The following KMT2C variants were observed in gnomAD, a reference collection of about 807,000 sequenced individuals.
The protein encoded by KMT2C is histone-lysine N-methyltransferase 2C.
A neutral mutation model predicts 507.9 loss-of-function variants in KMT2C; 88 were observed. The ratio of observed to expected loss-of-function variants is 0.17; its 90% CI spans 0.15 to 0.21. KMT2C has a LOEUF of 0.21. Among genes scored for constraint, KMT2C ranks in the 10% least tolerant of loss-of-function variants. KMT2C has a pLI of 1.00. For synonymous variants in KMT2C, 2,049 were observed against 2,080.8 expected, an observed-to-expected ratio of 0.98 and a Z score of 0.42; for missense variants, 4,954 against 5,957.8, an observed-to-expected ratio of 0.83 and a Z score of 5.55.
chr7:152,334,539 T>A (rs887246104), intron 2 of KMT2C, among the ~76,000 whole-genome samples: 1 of 152,218 alleles, frequency 6.6e-6, no homozygotes, highest in South Asian at 2.1e-4. Flanking sequence ...GACACATAAC[T>A]GCTCAGCTAG....
intron 1 of KMT2C, among the ~76,000 whole-genome samples, chr7:152,419,059 G>GA (rs1478030638): frequency 1.3e-5 from 2 of 151,618 alleles, no homozygotes; most frequent in East Asian, 1.9e-4. Flanking sequence ...TCATTTAAAA[G>GA]AAAAAAAATA....
rs1272995724 is a variant in KMT2C, at chr7:152,293,214, GA to G, written c.849+16751del. Among the ~76,000 whole-genome samples the G allele has an allele frequency of 2.6e-5, 4 of 152,196 alleles. No homozygotes were observed. In the East Asian group the frequency reaches 7.7e-4, roughly 29 times the overall value. On this transcript the variant is annotated intron_variant, in intron 6 of 58. Transcript: ENST00000262189. ...AATAGGTTATATTTCAAATGTGGAGGAAAAAGATGTTTCAATAAATGGTGTA... is the reference window on the plus strand; with the variant it reads ...AATAGGTTATATTTCAAATGTGGAGGAAAAGATGTTTCAATAAATGGTGTA...
intron 9 of KMT2C, 66 bp downstream of exon 9, chr7:152,262,950 C>T: frequency 7.6e-6 from 9 of 1,176,732 alleles, no homozygotes; most frequent in East Asian, 2.5e-5. Context: ...AATAGGTATC[C>T]GATTTGTCTG....
intron 39 of KMT2C, among the ~76,000 whole-genome samples, chr7:152,173,653 C>G (rs1477037005): frequency 6.6e-6 from 1 of 152,196 alleles, no homozygotes; most frequent in Non-Finnish European, 1.5e-5. Context: ...AAAAGACAAA[C>G]TCTGTAACTC....
chr7:152,208,764 C>T (rs185178476), intron 23 of KMT2C, among the ~76,000 whole-genome samples: 11 of 152,308 alleles, frequency 7.2e-5, no homozygotes, highest in African/African-American at 2.6e-4. Context: ...TCAGTAATGG[C>T]ATGAACAGGG....
At chr7:152,363,209 G>T (rs2097210804) in intron 1 of KMT2C, among the ~76,000 whole-genome samples, 1 of 152,184 alleles carries the variant, frequency 6.6e-6, no homozygotes, top group South Asian at 2.1e-4. Context: ...AATTACAAAT[G>T]ACAACATGAA....
At chr7:152,343,199 C>T (rs1032364489) in intron 2 of KMT2C, among the ~76,000 whole-genome samples, 1 of 152,086 alleles carries the variant, frequency 6.6e-6, no homozygotes, top group Non-Finnish European at 1.5e-5. Flanking sequence ...GAATTGAAAG[C>T]AACTATGATT....
intron 27 of KMT2C, 121 bp downstream of exon 27, chr7:152,199,158 C>A: frequency 1.4e-6 from 1 of 729,234 alleles, no homozygotes; most frequent in Non-Finnish European, 2.2e-6. Context: ...AGTTATACTT[C>A]AATGCTGTTG....
At chr7:152,398,996 T>C (rs2097554765) in intron 1 of KMT2C, among the ~76,000 whole-genome samples, 1 of 150,190 alleles carries the variant, frequency 6.7e-6, no homozygotes, top group African/African-American at 2.4e-5. Flanking sequence ...CCAGCTAATT[T>C]TTGTGGGATT....
intron 25 of KMT2C, 52 bp from the exon 26 acceptor site, chr7:152,203,116 A>G: frequency 6.8e-7 from 1 of 1,479,182 alleles, no homozygotes; most frequent in South Asian, 1.3e-5. Context: ...TTTCTAGACA[A>G]ACCCACTGAA....
chr7:152,151,251 C>T (rs1473182863), intron 50 of KMT2C, among the ~76,000 whole-genome samples, 191 bp downstream of exon 50: 1 of 152,148 alleles, frequency 6.6e-6, no homozygotes, highest in African/African-American at 2.4e-5. Context: ...TCATAATATT[C>T]CCTTTAACAG....
At chr7:152,183,397 G>C (rs1010575667) in intron 34 of KMT2C, among the ~76,000 whole-genome samples, 2 of 152,106 alleles carry the variant, frequency 1.3e-5, no homozygotes, top group African/African-American at 4.8e-5. Flanking sequence ...AAGATCCTAG[G>C]TGTGATTTAA....
At chr7:152,284,791 CAA>C (rs982953306) in intron 6 of KMT2C, among the ~76,000 whole-genome samples, 10 of 148,106 alleles carry the variant, frequency 6.8e-5, no homozygotes, top group African/African-American at 2.5e-4. Context: ...ACACAAATGG[CAA>C]AAAAAGACAT....
chr7:152,278,269 T>A (rs995797784), intron 6 of KMT2C, among the ~76,000 whole-genome samples: 2 of 148,006 alleles, frequency 1.4e-5, no homozygotes, highest in African/African-American at 2.5e-5. Flanking sequence ...GATTTCAAAC[T>A]TTTTTTTTTT....
At chr7:152,183,270 C>A in intron 34 of KMT2C, 114 bp from the exon 35 acceptor site, 1 of 809,184 alleles carries the variant, frequency 1.2e-6, no homozygotes, top group Non-Finnish European at 1.9e-6. Context: ...GGTAAAATAG[C>A]TGAAATACTT....
intron 33 of KMT2C, among the ~76,000 whole-genome samples, 199 bp downstream of exon 33, chr7:152,187,063 T>A (rs887319184): frequency 6.6e-6 from 1 of 152,124 alleles, no homozygotes; most frequent in Admixed American, 6.6e-5. Flanking sequence ...GAAACTAATT[T>A]TTGGGAAATA....
chr7:152,302,088 T>C (rs907225626), intron 6 of KMT2C, among the ~76,000 whole-genome samples: 1 of 152,200 alleles, frequency 6.6e-6, no homozygotes, highest in Non-Finnish European at 1.5e-5. Flanking sequence ...CAGAACTAAG[T>C]TGGTTTTACA....
In KMT2C at chr7:152,156,148, C is replaced by T. The variant is rs926168893; in HGVS notation, c.11812+57G>A. On this transcript the variant is annotated intron_variant, in intron 45 of 58. Transcript: ENST00000262189. ...ACAATTCTATTGCCATTTCACAATA[C>T]ACAACTGGCAGAGGCACATTTCTCC... The T allele has an allele frequency of 1.9e-6, 3 of 1,602,180 alleles. No individual in the cohort carries two copies. In the African/African-American group the frequency reaches 4.0e-5, roughly 21 times the overall value.
intron 1 of KMT2C, among the ~76,000 whole-genome samples, chr7:152,432,715 ACAAT>A (rs998295681): frequency 6.6e-6 from 1 of 152,226 alleles, no homozygotes; most frequent in Non-Finnish European, 1.5e-5. Flanking sequence ...ATACACAAAA[ACAAT>A]CTAGCTAACA....
Sources: gnomAD v4.1 joint callset for allele counts (sites outside exome capture counted in the v4.1 genomes callset) on GRCh38, gnomAD v4.1.1 for gene constraint, MANE v1.5 for transcripts, NCBI Gene and HGNC (gene_info 2026-07-23, HGNC 2026-07-21) for gene names.